TNS3: variants seen among roughly 807,000 people sequenced by gnomAD.
TNS3 encodes tensin 3.
TNS3 carries 45 observed loss-of-function variants against 140.9 expected under a neutral mutation model. The ratio of observed to expected loss-of-function variants is 0.32; its 90% CI spans 0.25 to 0.41. The LOEUF is 0.41. Ranked by LOEUF, TNS3 falls within the 10% of genes least tolerant of loss-of-function variation. TNS3 has a pLI of 1.00. For synonymous variants in TNS3, 815 were observed against 788.4 expected (o/e 1.03, Z -0.56); for missense variants, 1,716 against 1,906.7 (o/e 0.90, Z 1.86).
At chr7:47,372,640 T>G (rs780583946) in intron 16 of TNS3, among the ~76,000 whole-genome samples, 4 of 152,178 alleles carry the variant, frequency 2.6e-5, no homozygotes, top group African/African-American at 9.6e-5. Flanking sequence ...CCATTACCAT[T>G]GACTAAACAC....
At chr7:47,429,692 A>C (rs978583853) in intron 8 of TNS3, among the ~76,000 whole-genome samples, 3 of 152,162 alleles carry the variant, frequency 2.0e-5, no homozygotes, top group Non-Finnish European at 4.4e-5. Context: ...GCTGTTTTTA[A>C]AAATATTTGC....
At chr7:47,567,408 G>C (rs1432191794) in intron 1 of TNS3, among the ~76,000 whole-genome samples, 1 of 152,188 alleles carries the variant, frequency 6.6e-6, no homozygotes, top group East Asian at 1.9e-4. Flanking sequence ...CGTGAGGCCA[G>C]GCACAGTGGC....
At chr7:47,462,568 T>C (rs1393090352) in intron 4 of TNS3, among the ~76,000 whole-genome samples, 4 of 152,126 alleles carry the variant, frequency 2.6e-5, no homozygotes, top group Admixed American at 2.6e-4. Flanking sequence ...ATAATGAGAA[T>C]CTACTGTAAT....
At chr7:47,367,565 G>A (rs772899268) in intron 17 of TNS3, among the ~76,000 whole-genome samples, 11 of 152,142 alleles carry the variant, frequency 7.2e-5, no homozygotes, top group South Asian at 2.1e-4. Context: ...CCAGCCTCAC[G>A]GGAAAAGGAC....
At chr7:47,316,732 C>G (rs1342557038) in intron 20 of TNS3, among the ~76,000 whole-genome samples, 1 of 143,134 alleles carries the variant, frequency 7.0e-6, no homozygotes, top group African/African-American at 2.6e-5. Context: ...GAGCCAAGAT[C>G]GTGCCACTGC....
Position 47,389,073 on chromosome 7 carries a change from A to C in TNS3, c.1024+7727T>G, listed in dbSNP as rs1484764375. Reference sequence around the variant, plus strand: ...GAAGAAGAAGAAGAAGAAGAAGAAGAAGAAGAAGAAGAGGAAGAGGAAGAG... The same window carrying C: ...GAAGAAGAAGAAGAAGAAGAAGAAGCAGAAGAAGAAGAGGAAGAGGAAGAG... On this transcript the variant is annotated intron_variant, in intron 16 of 30. Coordinates refer to ENST00000311160, the MANE Select transcript of TNS3 (RefSeq NM_022748.12). Among the ~76,000 whole-genome samples, 54 of 62,074 alleles carry C rather than the reference A, an allele frequency of 8.7e-4. 10 individuals carry two copies. Among genetic ancestry groups the C allele is most frequent in the African/African-American group, 3.2e-3 (45 of 14,018 alleles). The allele number at this position is 62,074 out of a possible 152,430, so 40.7% of individuals were successfully genotyped here. A position where few individuals can be genotyped will look rare whatever the true frequency, so the allele number is the denominator to read the frequency against.
In TNS3 at chr7:47,320,678, G is replaced by A. The variant is rs149868948; in HGVS notation, c.2651-15675C>T. Reference sequence around the variant, plus strand: ...TGTTGGATGAGGGCTCACCCTAAGGGACCCACTTTCACCAGTCACCACTGT... The same window carrying A: ...TGTTGGATGAGGGCTCACCCTAAGGAACCCACTTTCACCAGTCACCACTGT... On this transcript the variant is annotated intron_variant, in intron 20 of 30. Coordinates refer to ENST00000311160, the MANE Select transcript of TNS3 (RefSeq NM_022748.12). 1.4e-3 allele frequency among the ~76,000 whole-genome samples: 214 copies of A among 152,282 alleles called. 2 individuals are homozygous for A. Among genetic ancestry groups the A allele is most frequent in the African/African-American group, 4.8e-3 (200 of 41,546 alleles).
intron 20 of TNS3, among the ~76,000 whole-genome samples, chr7:47,322,399 G>A (rs983544487): frequency 3.9e-5 from 6 of 152,130 alleles, no homozygotes; most frequent in African/African-American, 9.6e-5. Flanking sequence ...GTTCATGCCT[G>A]TAATCCCAGC....
At chr7:47,432,928 C>T (rs1187044548) in intron 8 of TNS3, among the ~76,000 whole-genome samples, 1 of 152,222 alleles carries the variant, frequency 6.6e-6, no homozygotes, top group Non-Finnish European at 1.5e-5. Flanking sequence ...CACAGAATCA[C>T]TAACTGCACA....
At position 47,533,269 on chromosome 7, in the gene TNS3, T is replaced by C. The variant is rs1799480758; in HGVS notation, c.-264-4122A>G. ...GCCTCAGCCTCCCAAGTAGCTGGGA[T>C]TACAGGCACCCGCCACCATGCCTGG... On this transcript the variant is annotated intron_variant, in intron 1 of 30. Coordinates refer to ENST00000311160, the MANE Select transcript of TNS3 (RefSeq NM_022748.12). Among the ~76,000 whole-genome samples, 3 of 150,426 alleles carry C rather than the reference T, an allele frequency of 2.0e-5. No homozygotes were observed. In the South Asian group the frequency reaches 6.3e-4, roughly 32 times the overall value.
intron 27 of TNS3, among the ~76,000 whole-genome samples, chr7:47,288,786 G>T (rs2347785): frequency 0.69 from 104,705 of 152,072 alleles, 36,127 homozygotes; most frequent in Middle Eastern, 0.8. Flanking sequence ...CCAAGGCATT[G>T]TCAATGTCCT....
intron 3 of TNS3, among the ~76,000 whole-genome samples, chr7:47,499,179 G>T (rs1419920735): frequency 6.6e-6 from 1 of 152,224 alleles, no homozygotes; most frequent in Non-Finnish European, 1.5e-5. Context: ...TGGCTGATGG[G>T]ATTCACACAG....
intron 1 of TNS3, among the ~76,000 whole-genome samples, chr7:47,552,882 T>A (rs961005221): frequency 1.3e-5 from 2 of 152,220 alleles, no homozygotes; most frequent in Non-Finnish European, 2.9e-5. Flanking sequence ...TTAGCCAAGG[T>A]GCAAATGCAA....
Position 47,303,401 on chromosome 7 carries a change from C to T in TNS3, c.3006G>A (p.Leu1002=). Residue 1002 remains leucine, a synonymous_variant, in exon 22 of 31, where the codon CTG becomes CTA. Coordinates refer to ENST00000311160, the MANE Select transcript of TNS3 (RefSeq NM_022748.12). ...GGGAGTCCGGTGGCTCTGCTAGGGA[C>T]AGCTCATGGCTGTGGAAAGGAGCCT... The part of the protein sequence containing the change: ...ELQAPFHSHE[L]SLAEPPDSLA... The T allele has an allele frequency of 6.2e-7, 1 of 1,613,854 alleles. No homozygotes were observed. Among genetic ancestry groups the T allele is most frequent in the South Asian group, 1.1e-5 (1 of 91,076 alleles).
rs148315899 is a variant in TNS3 at position 47,325,016 on chromosome 7, T to C, written c.2650+19739A>G. ...TAGGCAGCAGAAGTGATGGGACCAC[T>C]GGGAAAACTATCAAGGGAAACCAGA... On this transcript the variant is annotated intron_variant, in intron 20 of 30. Coordinates refer to ENST00000311160, the MANE Select transcript of TNS3 (RefSeq NM_022748.12). Among the ~76,000 whole-genome samples, 4 of 152,058 alleles carry C rather than the reference T, an allele frequency of 2.6e-5. No individual in the cohort carries two copies. The East Asian group carries it at 5.8e-4, about 22-fold the overall frequency.
intron 16 of TNS3, among the ~76,000 whole-genome samples, chr7:47,392,398 G>T (rs1451423273): frequency 1.3e-5 from 2 of 152,212 alleles, no homozygotes; most frequent in Non-Finnish European, 2.9e-5. Context: ...CAGCTGCAGA[G>T]GGCTCCATTC....
chr7:47,460,401 C>G (rs931089988), intron 4 of TNS3, among the ~76,000 whole-genome samples: 1 of 152,160 alleles, frequency 6.6e-6, no homozygotes, highest in African/African-American at 2.4e-5. Flanking sequence ...TGATAACCGC[C>G]CATTGCTGCA....
intron 1 of TNS3, among the ~76,000 whole-genome samples, chr7:47,568,955 C>T (rs1800490076): frequency 6.6e-6 from 1 of 152,264 alleles, no homozygotes; most frequent in Admixed American, 6.5e-5. Flanking sequence ...ACAAAGCCCA[C>T]AGTATTCACA....
chr7:47,574,563 A>G (rs1472787549), intron 1 of TNS3, among the ~76,000 whole-genome samples: 1 of 152,160 alleles, frequency 6.6e-6, no homozygotes, highest in Non-Finnish European at 1.5e-5. Flanking sequence ...CAACAGCCGA[A>G]GGGTAGAAGT....
Sources: allele counts gnomAD v4.1 joint callset (sites outside exome capture counted in the v4.1 genomes callset), GRCh38; gene constraint gnomAD v4.1.1; transcripts MANE v1.5; gene names NCBI Gene and HGNC (gene_info 2026-07-23, HGNC 2026-07-21).